SND1: variants seen among roughly 807,000 people sequenced by gnomAD.
The protein encoded by SND1 is staphylococcal nuclease domain-containing protein 1.
SND1 carries 38 observed loss-of-function variants against 121.7 expected under a neutral mutation model. The ratio of observed to expected loss-of-function variants is 0.31; its 90% CI spans 0.24 to 0.41. SND1 has a LOEUF of 0.41. SND1 is among the 10% of genes least tolerant of loss of function. The pLI is 1.00. For missense variants in SND1, 868 were observed against 1,184.6 expected (o/e 0.73, Z 3.92); for synonymous variants, 401 against 447.4 (o/e 0.90, Z 1.31).
chr7:127,925,720 C>T (rs1320901405), intron 14 of SND1, among the ~76,000 whole-genome samples: 1 of 151,588 alleles, frequency 6.6e-6, no homozygotes, highest in Admixed American at 6.6e-5. Context: ...TCTCCTGCCT[C>T]AGCCTCCCAA....
chr7:127,895,528 A>T (rs775106752), intron 13 of SND1, among the ~76,000 whole-genome samples: 9 of 152,056 alleles, frequency 5.9e-5, no homozygotes, highest in Non-Finnish European at 1.5e-5. Context: ...GTTAAGTGTC[A>T]CGATCATGAG....
At position 127,722,350 on chromosome 7, in the gene SND1, C is replaced by G. The variant is rs115838498; in HGVS notation, c.1152+950C>G. On this transcript the variant is annotated intron_variant, in intron 10 of 23. Coordinates refer to ENST00000354725, the MANE Select transcript of SND1 (RefSeq NM_014390.4). ...AGAAACAGGGTCTTGTTATGTTGCC[C>G]ACACTGGAGTGCAGTGGCTATTCAC... Among the ~76,000 whole-genome samples, 1,180 of 151,124 alleles carry G rather than the reference C, an allele frequency of 7.8e-3. 15 individuals carry two copies. The highest frequency in any genetic ancestry group is 0.027 in the African/African-American group (1,101 of 41,142).
At chr7:128,062,084 T>C (rs1179201589) in intron 16 of SND1, among the ~76,000 whole-genome samples, 1 of 152,244 alleles carries the variant, frequency 6.6e-6, no homozygotes, top group Non-Finnish European at 1.5e-5. Flanking sequence ...GGCAGCTCCT[T>C]AGTCGGGTGA....
chr7:128,045,613 G>T (rs1313161481), intron 16 of SND1, among the ~76,000 whole-genome samples: 1 of 152,180 alleles, frequency 6.6e-6, no homozygotes, highest in Non-Finnish European at 1.5e-5. Context: ...TGTGTTTTAT[G>T]CTGCAGCACT....
intron 16 of SND1, among the ~76,000 whole-genome samples, chr7:128,033,938 C>T (rs1248333090): frequency 1.3e-5 from 2 of 152,202 alleles, no homozygotes; most frequent in Non-Finnish European, 2.9e-5. Flanking sequence ...TATGTACTAT[C>T]CACCATACCA....
chr7:127,760,289 C>T (rs1013009808), intron 10 of SND1, among the ~76,000 whole-genome samples: 3 of 152,132 alleles, frequency 2.0e-5, no homozygotes, highest in African/African-American at 4.8e-5. Flanking sequence ...CTAATTGTGT[C>T]GGAAACCAGC....
At chr7:128,043,863 T>TATAC (rs531706442) in intron 16 of SND1, among the ~76,000 whole-genome samples, 15 of 149,678 alleles carry the variant, frequency 1.0e-4, no homozygotes, top group South Asian at 4.3e-4. Context: ...TATACACATA[T>TATAC]ACACACACAC....
chr7:127,918,668 G>A (rs987403749), intron 14 of SND1, among the ~76,000 whole-genome samples: 11 of 152,154 alleles, frequency 7.2e-5, no homozygotes, highest in Admixed American at 5.2e-4. Flanking sequence ...ATGAATGAAC[G>A]CTGTAAATAG....
chr7:127,861,631 C>A (rs981704740), intron 12 of SND1, among the ~76,000 whole-genome samples: 3 of 152,154 alleles, frequency 2.0e-5, no homozygotes, highest in African/African-American at 7.2e-5. Context: ...CCCACCACCA[C>A]ACCCAGCTAA....
intron 10 of SND1, among the ~76,000 whole-genome samples, chr7:127,791,388 AG>A (rs1797907534): frequency 6.6e-6 from 1 of 152,164 alleles, no homozygotes; most frequent in Non-Finnish European, 1.5e-5. Context: ...CTTGGGCTCA[AG>A]TGATTCACCT....
Position 127,838,012 on chromosome 7 carries a change from A to G in SND1, c.1243-6312A>G, listed in dbSNP as rs60912797. ...CTGCTATGTTGTTCCCCTGTTGGCT[A>G]GGGTTGGACCGCACAGTCTAAGCTA... On this transcript the variant is annotated intron_variant, in intron 11 of 23. Transcript: ENST00000354725. Among the ~76,000 whole-genome samples, 454 of 152,304 alleles carry G rather than the reference A, an allele frequency of 3.0e-3. 4 individuals are homozygous for G. Among genetic ancestry groups the G allele is most frequent in the African/African-American group, 9.6e-3 (398 of 41,564 alleles).
intron 17 of SND1, among the ~76,000 whole-genome samples, chr7:128,078,920 G>C (rs1220361587): frequency 6.6e-6 from 1 of 152,224 alleles, no homozygotes; most frequent in East Asian, 1.9e-4. Flanking sequence ...AGAGGGAAGA[G>C]CACCTGCATG....
At chr7:127,801,901 G>A (rs990393241) in intron 10 of SND1, among the ~76,000 whole-genome samples, 3 of 152,046 alleles carry the variant, frequency 2.0e-5, no homozygotes, top group Non-Finnish European at 4.4e-5. Context: ...GAGTGCAGTG[G>A]CGCGATCTCA....
intron 16 of SND1, chr7:128,027,070 AT>A (rs1803495819): frequency 6.6e-6 from 1 of 152,606 alleles, no homozygotes; most frequent in South Asian, 2.1e-4. Flanking sequence ...GGGACATTGA[AT>A]TAAAAATTCA....
chr7:127,762,687 A>T (rs1396179575), intron 10 of SND1, among the ~76,000 whole-genome samples: 3 of 152,214 alleles, frequency 2.0e-5, no homozygotes, highest in African/African-American at 7.2e-5. Context: ...TGCAACTATG[A>T]CTGAAACTCA....
intron 10 of SND1, among the ~76,000 whole-genome samples, chr7:127,802,469 G>A (rs533334890): frequency 1.9e-4 from 29 of 152,214 alleles, no homozygotes; most frequent in Non-Finnish European, 3.7e-4. Flanking sequence ...CATTTTGCTT[G>A]CCTTAGTTTG....
intron 16 of SND1, among the ~76,000 whole-genome samples, chr7:128,036,248 A>G (rs953160870): frequency 1.3e-5 from 2 of 152,296 alleles, no homozygotes; most frequent in East Asian, 1.9e-4. Flanking sequence ...GTGTGCAAAC[A>G]CCTATCAGGG....
At chr7:127,950,652 G>A (rs1801441190) in intron 15 of SND1, among the ~76,000 whole-genome samples, 1 of 152,046 alleles carries the variant, frequency 6.6e-6, no homozygotes, top group Admixed American at 6.6e-5. Context: ...CCTCCCTCCT[G>A]CCCAGATTCG....
chr7:127,897,274 A>T (rs1800139818), intron 13 of SND1, among the ~76,000 whole-genome samples: 1 of 152,184 alleles, frequency 6.6e-6, no homozygotes, highest in South Asian at 2.1e-4. Flanking sequence ...AGTAAGTCAG[A>T]ATAAATATAG....
Sources: allele counts gnomAD v4.1 joint callset (sites outside exome capture counted in the v4.1 genomes callset), GRCh38; gene constraint gnomAD v4.1.1; transcripts MANE v1.5; gene names NCBI Gene and HGNC (gene_info 2026-07-23, HGNC 2026-07-21).